The following C12orf75 variants were observed in gnomAD, a reference collection of about 807,000 sequenced individuals.
The protein encoded by C12orf75 is overexpressed in colon carcinoma 1 protein.
In C12orf75, 4 loss-of-function variants were observed where a neutral mutation model predicts 11.4. The observed-to-expected ratio is 0.35, with a 90% confidence interval of 0.17 to 0.80. The LOEUF (loss-of-function observed/expected upper bound fraction) is 0.80, where lower values mean the gene tolerates loss of function less well. Ranked by LOEUF, C12orf75 falls within the 30% of genes least tolerant of loss-of-function variation. C12orf75 has a pLI of 0.52. For missense variants in C12orf75, 89 were observed against 80.4 expected (o/e 1.11, Z -0.41); for synonymous variants, 30 against 30.0 (o/e 1.00, Z 0.00).
chr12:105,353,662 A>G (rs1892741901), intron 2 of C12orf75: 1 of 152,210 alleles, frequency 6.6e-6, no homozygotes, highest in South Asian at 2.1e-4. Flanking sequence ...GTGTTCTTAA[A>G]GAAGTCTTGA....
chr12:105,346,160 C>G (rs941296397), intron 1 of C12orf75, among the ~76,000 whole-genome samples: 82 of 152,120 alleles, frequency 5.4e-4, no homozygotes, highest in Non-Finnish European at 7.4e-4. Context: ...AACAACCCCC[C>G]ACACCCCCAC....
intron 1 of C12orf75, among the ~76,000 whole-genome samples, chr12:105,345,985 A>G (rs1203112936): frequency 6.6e-6 from 1 of 152,058 alleles, no homozygotes; most frequent in Admixed American, 6.5e-5. Flanking sequence ...TAAGTCTGAT[A>G]AGAAACATTT....
At chr12:105,368,952 G>A (rs1436484284) in intron 5 of C12orf75, among the ~76,000 whole-genome samples, 1 of 152,136 alleles carries the variant, frequency 6.6e-6, no homozygotes, top group African/African-American at 2.4e-5. Flanking sequence ...AGATTTCTGA[G>A]TTCTCCGCTA....
At chr12:105,342,792 T>G (rs1892590721) in intron 1 of C12orf75, among the ~76,000 whole-genome samples, 1 of 152,258 alleles carries the variant, frequency 6.6e-6, no homozygotes, top group African/African-American at 2.4e-5. Flanking sequence ...TTAGGAGCTC[T>G]GTGCCAGGAA....
rs535377128 is a variant in C12orf75, at chr12:105,341,262, C to T, written c.47-7340C>T. On this transcript the variant is annotated intron_variant, in intron 1 of 5. Transcript: ENST00000443585. Reference sequence around the variant, plus strand: ...CAGAACCTTAACCACTACTAGGACACATACAATTTTTGTATGAAACATAAA... The same window carrying T: ...CAGAACCTTAACCACTACTAGGACATATACAATTTTTGTATGAAACATAAA... 4.6e-5 allele frequency among the ~76,000 whole-genome samples: 7 copies of T among 152,258 alleles called. No individual in the cohort carries two copies. In the East Asian group the frequency reaches 1.4e-3, roughly 29 times the overall value.
At chr12:105,351,758 C>G (rs1171798964) in intron 2 of C12orf75, among the ~76,000 whole-genome samples, 1 of 152,136 alleles carries the variant, frequency 6.6e-6, no homozygotes, top group Non-Finnish European at 1.5e-5. Context: ...GGAGCCTGTG[C>G]CTGTGGTACA....
At position 105,338,171 on chromosome 12, in the gene C12orf75, C is replaced by CATTT. The variant is rs145056265; in HGVS notation, c.46+7251_46+7254dup. ...TTCTTATATGGCTGCATTTATCTTT[C>CATTT]ATTTATTTATTTATTTATTTTGAGA... On this transcript the variant is annotated intron_variant, in intron 1 of 5. Coordinates refer to ENST00000443585, the MANE Select transcript of C12orf75 (RefSeq NM_001145199.2). Among the ~76,000 whole-genome samples, 1,410 of 152,080 alleles carry CATTT rather than the reference C, an allele frequency of 9.3e-3. 5 individuals carry two copies. Among genetic ancestry groups the CATTT allele is most frequent in the Middle Eastern group, 0.024 (7 of 294 alleles).
intron 2 of C12orf75, among the ~76,000 whole-genome samples, chr12:105,356,237 C>T (rs1176310789): frequency 6.6e-6 from 1 of 152,064 alleles, no homozygotes; most frequent in East Asian, 1.9e-4. Flanking sequence ...TATATTTTAT[C>T]TGGAGAATTG....
chr12:105,348,471 C>G, intron 1 of C12orf75, 131 bp from the exon 2 acceptor site: 69 of 350,262 alleles, frequency 2.0e-4, no homozygotes, highest in East Asian at 4.3e-4. Flanking sequence ...GCCCTCCTTT[C>G]TCTGTTTTTG....
intron 2 of C12orf75, among the ~76,000 whole-genome samples, chr12:105,365,500 C>T (rs1257423534): frequency 6.6e-6 from 1 of 152,238 alleles, no homozygotes; most frequent in African/African-American, 2.4e-5. Flanking sequence ...ATAACTCAGG[C>T]TTCTTTCCAA....
At chr12:105,351,907 A>T (rs186342690) in intron 2 of C12orf75, among the ~76,000 whole-genome samples, 1 of 152,098 alleles carries the variant, frequency 6.6e-6, no homozygotes, top group African/African-American at 2.4e-5. Flanking sequence ...GAATTAAATG[A>T]TTATGTTTGA....
intron 2 of C12orf75, among the ~76,000 whole-genome samples, chr12:105,362,367 A>C (rs1892881124): frequency 8.4e-6 from 1 of 119,448 alleles, no homozygotes; most frequent in East Asian, 2.5e-4. Flanking sequence ...CCTGGGCGAC[A>C]GAGCGAGACT....
At chr12:105,363,570 C>G (rs1166386770) in intron 2 of C12orf75, among the ~76,000 whole-genome samples, 1 of 152,004 alleles carries the variant, frequency 6.6e-6, no homozygotes. Flanking sequence ...ACTAAAAATA[C>G]AAAAATTAGC....
intron 1 of C12orf75, among the ~76,000 whole-genome samples, chr12:105,332,151 G>T (rs1892436940): frequency 6.6e-6 from 1 of 152,160 alleles, no homozygotes; most frequent in Non-Finnish European, 1.5e-5. Flanking sequence ...CTTCAAACCT[G>T]CCTGTGGCCA....
intron 2 of C12orf75, among the ~76,000 whole-genome samples, chr12:105,360,038 T>C (rs1444838318): frequency 6.6e-6 from 1 of 152,192 alleles, no homozygotes; most frequent in African/African-American, 2.4e-5. Context: ...CAGGCCCTGA[T>C]CTCTGAGGGA....
chr12:105,364,213 A>G (rs1468699232), intron 2 of C12orf75, among the ~76,000 whole-genome samples: 3 of 152,242 alleles, frequency 2.0e-5, no homozygotes, highest in South Asian at 2.1e-4. Context: ...TCATTTCTCC[A>G]TTATCTATGC....
chr12:105,330,864 G>A lies in C12orf75; in HGVS notation c.-28G>A, dbSNP rs1892412172. On this transcript the variant is annotated 5_prime_UTR_variant, in exon 1 of 6. Coordinates refer to ENST00000443585, the MANE Select transcript of C12orf75 (RefSeq NM_001145199.2). ...CCAGGACCCGCGGCCGAGAGCTCCGGAGCGCGGCTTCCCCGGCCGGCTGCG... is the reference window on the plus strand; with the variant it reads ...CCAGGACCCGCGGCCGAGAGCTCCGAAGCGCGGCTTCCCCGGCCGGCTGCG... 5.6e-6 allele frequency: 7 copies of A among 1,253,630 alleles called. No homozygotes were observed. The highest frequency in any genetic ancestry group is 7.0e-6 in the Non-Finnish European group (7 of 1,000,274). 77.7% of individuals were successfully genotyped at this position (1,253,630 alleles called of 1,614,324 possible).
chr12:105,345,506 A>G (rs1361982154), intron 1 of C12orf75, among the ~76,000 whole-genome samples: 1 of 151,880 alleles, frequency 6.6e-6, no homozygotes, highest in African/African-American at 2.4e-5. Flanking sequence ...TAAAAAAAAA[A>G]GAAGTCAAAG....
Sources: gnomAD v4.1 joint callset for allele counts (sites outside exome capture counted in the v4.1 genomes callset) on GRCh38, gnomAD v4.1.1 for gene constraint, MANE v1.5 for transcripts, NCBI Gene and HGNC (gene_info 2026-07-23, HGNC 2026-07-21) for gene names.